TRIM5: variants seen among roughly 807,000 people sequenced by gnomAD.
The protein encoded by TRIM5 is tripartite motif containing 5.
TRIM5 carries 31 observed loss-of-function variants against 35.6 expected under a neutral mutation model. The ratio of observed to expected loss-of-function variants is 0.87; its 90% CI spans 0.65 to 1.18. The LOEUF is 1.18. Among genes scored for constraint, TRIM5 ranks in the 50% most tolerant of loss-of-function variants. The pLI, the probability that TRIM5 is intolerant of heterozygous loss-of-function variation, is 0.00. For synonymous variants in TRIM5, 243 were observed against 215.6 expected (o/e 1.13, Z -1.11); for missense variants, 609 against 591.6 (o/e 1.03, Z -0.31).
Position 5,677,395 on chromosome 11 carries a change from C to T in TRIM5, c.744+809G>A, listed in dbSNP as rs1590266069. On this transcript the variant is annotated intron_variant, in intron 4 of 7. Transcript: ENST00000380034. Reference sequence around the variant, plus strand: ...CCATCAGAGAAATGCAAATCAAAACCACAATGAGATACCATCTCACACCAG... The same window carrying T: ...CCATCAGAGAAATGCAAATCAAAACTACAATGAGATACCATCTCACACCAG... 2.6e-5 allele frequency among the ~76,000 whole-genome samples: 4 copies of T among 152,218 alleles called. No homozygotes were observed. The East Asian group carries it at 5.8e-4, about 22-fold the overall frequency.
chr11:5,665,339 T>C lies in TRIM5; in HGVS notation c.952A>G (p.Arg318Gly). 1 of 1,613,650 alleles carries C rather than the reference T, an allele frequency of 6.2e-7. No individual in the cohort carries two copies. Among genetic ancestry groups the C allele is most frequent in the Non-Finnish European group, 8.5e-7 (1 of 1,179,898 alleles). The change falls in exon 8 of 8, where the codon AGA becomes GGA. Residue 318 changes from arginine to glycine, a missense_variant. Physicochemically the swap from Arg to Gly is moderately radical, Grantham distance 125. Coordinates refer to ENST00000380034, the MANE Select transcript of TRIM5 (RefSeq NM_033034.3). The stretch of plus-strand genomic sequence containing the variant: ...TGTGGTTTCGGAGAGCTCACTTGTC[T>C]CTTATCTTCAGAAATGACAGCACAT... ...ISCAVISEDK[R>G]QVSSPKPQII...
the TRIM5 span, among the ~76,000 whole-genome samples, chr11:5,639,416 C>G: frequency 6.6e-6 from 1 of 151,998 alleles, no homozygotes; most frequent in Non-Finnish European, 1.5e-5. Flanking sequence ...CGCGGTGGCT[C>G]ACACCTGTAA....
intron 4 of TRIM5, among the ~76,000 whole-genome samples, chr11:5,673,414 C>G (rs1851715833): frequency 6.6e-6 from 1 of 151,936 alleles, no homozygotes; most frequent in Admixed American, 6.6e-5. Flanking sequence ...AACAACAGGG[C>G]TTCAAAATAC....
At chr11:5,632,196 G>C in the TRIM5 span, 6 of 1,520,558 alleles carry the variant, frequency 3.9e-6, no homozygotes, top group Non-Finnish European at 4.4e-6. Flanking sequence ...TATTGTCTGT[G>C]CAATTAGAAT....
chr11:5,667,554 A>C, intron 5 of TRIM5, 135 bp downstream of exon 5: 1 of 970,054 alleles, frequency 1.0e-6, no homozygotes, highest in Non-Finnish European at 1.6e-6. Flanking sequence ...TTATGACCAG[A>C]AATTTATGAT....
At chr11:5,672,402 G>C (rs1051347173) in intron 4 of TRIM5, among the ~76,000 whole-genome samples, 1 of 152,016 alleles carries the variant, frequency 6.6e-6, no homozygotes, top group African/African-American at 2.4e-5. Context: ...AGTAGAGATG[G>C]GGTTTCTGCA....
rs536846692 is a variant in TRIM5, at chr11:5,669,956, C to A, written c.745-2245G>T. 67 of 172,338 alleles carry A rather than the reference C, an allele frequency of 3.9e-4. 1 individual carries two copies. The highest frequency in any genetic ancestry group is 6.8e-4 in the Non-Finnish European group (52 of 76,668). The allele number at this position is 172,338 out of a possible 1,614,324, so 10.7% of individuals were successfully genotyped here. The stretch of plus-strand genomic sequence containing the variant: ...CACCACTGCACTCCAGCCTGGGCAA[C>A]AGAGCGAGACTTCATCTGAAAACAA... On this transcript the variant is annotated intron_variant, in intron 4 of 7. Transcript: ENST00000380034.
At chr11:5,608,335 G>T in the TRIM5 span, 1 of 1,612,546 alleles carries the variant, frequency 6.2e-7, no homozygotes, top group Non-Finnish European at 8.5e-7. Flanking sequence ...GGCATGACCT[G>T]TTACTCCTTG....
At chr11:5,591,602 C>T in the TRIM5 span, among the ~76,000 whole-genome samples, 2 of 151,740 alleles carry the variant, frequency 1.3e-5, no homozygotes, top group African/African-American at 4.8e-5. Flanking sequence ...GAGCCATGAT[C>T]GTGCCATTGC....
Position 5,667,736 on chromosome 11 carries a change from A to G in TRIM5, c.745-25T>C, listed in dbSNP as rs537979076. On this transcript the variant is annotated intron_variant, in intron 4 of 7. Transcript: ENST00000380034. ...CCTAGGAAGAAGAGAGAAAACATCAATTAAGAAAGAAAGAGTCTCTCCTCA... is the reference window on the plus strand; with the variant it reads ...CCTAGGAAGAAGAGAGAAAACATCAGTTAAGAAAGAAAGAGTCTCTCCTCA... 14 of 1,612,544 alleles carry G rather than the reference A, an allele frequency of 8.7e-6. No homozygotes were observed. The African/African-American group carries it at 1.3e-4, about 15-fold the overall frequency.
the TRIM5 span, among the ~76,000 whole-genome samples, chr11:5,602,983 G>T: frequency 6.6e-6 from 1 of 152,044 alleles, no homozygotes; most frequent in Non-Finnish European, 1.5e-5. Flanking sequence ...AGATCACACA[G>T]ACAGTGACTC....
the TRIM5 span, chr11:5,643,423 T>C: frequency 5.0e-6 from 8 of 1,614,212 alleles, no homozygotes; most frequent in Non-Finnish European, 6.8e-6. Context: ...TACAGACCTC[T>C]ATTTGGCTAC....
chr11:5,608,689 TCAAA>T, the TRIM5 span, among the ~76,000 whole-genome samples: 1 of 151,614 alleles, frequency 6.6e-6, no homozygotes, highest in African/African-American at 2.4e-5. Flanking sequence ...AGACTCTGCC[TCAAA>T]CAAACAAAAA....
chr11:5,589,616 T>A, the TRIM5 span: 8,446 of 150,682 alleles, frequency 0.056, 245 homozygotes, highest in South Asian at 0.099. Context: ...TCATTTTTTT[T>A]AAAAAAAGAA....
At chr11:5,632,505 G>C in the TRIM5 span, 1 of 1,614,030 alleles carries the variant, frequency 6.2e-7, no homozygotes, top group Non-Finnish European at 8.5e-7. Flanking sequence ...GCTGTCCTGT[G>C]TGTGGTATCA....
intron 1 of TRIM5, 73 bp from the exon 2 acceptor site, chr11:5,680,311 A>G (rs1434137944): frequency 1.1e-6 from 1 of 892,876 alleles, no homozygotes; most frequent in Non-Finnish European, 1.6e-6. Context: ...ATTGTGCACA[A>G]TTAGAAAATG....
the TRIM5 span, chr11:5,611,523 G>A: frequency 3.4e-6 from 2 of 582,912 alleles, no homozygotes; most frequent in South Asian, 2.3e-5. Context: ...GCGCAATCTC[G>A]GCTCACTGCA....
the TRIM5 span, among the ~76,000 whole-genome samples, chr11:5,618,975 T>C: frequency 1.3e-5 from 2 of 152,204 alleles, no homozygotes; most frequent in African/African-American, 2.4e-5. Context: ...CTTCATGTCA[T>C]TGGGTAAAAA....
chr11:5,621,579 G>T, the TRIM5 span, among the ~76,000 whole-genome samples: 2 of 152,180 alleles, frequency 1.3e-5, no homozygotes, highest in Admixed American at 6.5e-5. Context: ...CAAAAGTGAT[G>T]ATTTTTCTAC....
Sources: gnomAD v4.1 joint callset for allele counts (sites outside exome capture counted in the v4.1 genomes callset) on GRCh38, gnomAD v4.1.1 for gene constraint, MANE v1.5 for transcripts, NCBI Gene and HGNC (gene_info 2026-07-23, HGNC 2026-07-21) for gene names.